CHSY1: variants seen among roughly 807,000 people sequenced by gnomAD.
The protein encoded by CHSY1 is N-acetylgalactosaminyl-proteoglycan 3-beta-glucuronosyltransferase 1.
A neutral mutation model predicts 59.8 loss-of-function variants in CHSY1; 13 were observed. The ratio of observed to expected loss-of-function variants is 0.22; its 90% CI spans 0.14 to 0.35. The LOEUF (loss-of-function observed/expected upper bound fraction) is 0.35. CHSY1 is among the 10% of genes least tolerant of loss of function. The probability of loss-of-function intolerance (pLI) is 1.00; values close to 1 mark genes in which losing one functional copy is unlikely to be tolerated. For synonymous variants in CHSY1, 459 were observed against 401.2 expected, an observed-to-expected ratio of 1.14 and a Z score of -1.72; for missense variants, 947 against 1,030.6, an observed-to-expected ratio of 0.92 and a Z score of 1.11.
At chr15:101,226,516 CA>C (rs2038843342) in intron 2 of CHSY1, among the ~76,000 whole-genome samples, 2 of 152,180 alleles carry the variant, frequency 1.3e-5, no homozygotes, top group Non-Finnish European at 2.9e-5. Flanking sequence ...GTGCCCAAAC[CA>C]ATGTCCTCAG....
rs1596459556 is a variant in CHSY1 at position 101,252,044 on chromosome 15, T to C, written c.-588A>G. ...CCGCGCCGCGCGATTGGCGCAAAAG[T>C]GAATGAGGGGCGGTTCACGTGGCCG... On this transcript the variant is annotated 5_prime_UTR_variant, in exon 1 of 3. Coordinates refer to ENST00000254190, the MANE Select transcript of CHSY1 (RefSeq NM_014918.5). 1 of 144,272 alleles carries C rather than the reference T, an allele frequency of 6.9e-6. No homozygotes were observed. The highest frequency in any genetic ancestry group is 2.6e-5 in the African/African-American group (1 of 38,654). The allele number at this position is 144,272 out of a possible 1,614,324, so 8.9% of individuals were successfully genotyped here.
Position 101,176,367 on chromosome 15 carries a change from T to C in CHSY1, c.*1021A>G. The C allele has an allele frequency of 5.0e-6, 2 of 398,532 alleles. No homozygotes were observed. The highest frequency in any genetic ancestry group is 8.8e-6 in the Non-Finnish European group (2 of 226,042). 24.7% of individuals were successfully genotyped at this position (398,532 alleles called of 1,614,324 possible). A position where few individuals can be genotyped will look rare whatever the true frequency, so the allele number is the denominator to read the frequency against. ...TTTTTCCCCAACGTTTTGATTAGGG[T>C]GTATGTGTGTATGTTTCAGTCTGTG... On this transcript the variant is annotated 3_prime_UTR_variant, in exon 3 of 3. Transcript: ENST00000254190.
At chr15:101,209,312 A>T (rs888743837) in intron 2 of CHSY1, among the ~76,000 whole-genome samples, 3 of 152,256 alleles carry the variant, frequency 2.0e-5, no homozygotes, top group Admixed American at 6.5e-5. Flanking sequence ...TGTAAGCTCC[A>T]GAAGTGTCAA....
intron 2 of CHSY1, among the ~76,000 whole-genome samples, chr15:101,217,034 G>A (rs549204499): frequency 6.6e-6 from 1 of 152,222 alleles, no homozygotes; most frequent in African/African-American, 2.4e-5. Flanking sequence ...GTGAGAATGA[G>A]TGAAGACTGT....
chr15:101,248,507 T>A (rs183675933), intron 1 of CHSY1, among the ~76,000 whole-genome samples: 2 of 152,314 alleles, frequency 1.3e-5, no homozygotes, highest in Non-Finnish European at 2.9e-5. Context: ...TGGAGTGACA[T>A]TAGCTGGACA....
At position 101,178,885 on chromosome 15, in the gene CHSY1, G is replaced by A. The variant is rs1297412922; in HGVS notation, c.912C>T (p.His304=). 1 of 1,614,150 alleles carries A rather than the reference G, an allele frequency of 6.2e-7. No homozygotes were observed. ...ACTGGTAGGGTGGGTTTTTGTTGGG[G>A]TGTAATGTGATAGCTTGGTGAATTT... is the stretch of plus-strand genomic sequence containing the variant. ...NSKIHQAITL[H]PNKNPPYQYR... Residue 304 remains histidine, a synonymous_variant, in exon 3 of 3, where the codon CAC becomes CAT. Transcript: ENST00000254190.
At chr15:101,180,745 C>A (rs1051551024) in intron 2 of CHSY1, among the ~76,000 whole-genome samples, 1 of 152,200 alleles carries the variant, frequency 6.6e-6, no homozygotes, top group Non-Finnish European at 1.5e-5. Context: ...GGGCCAGATA[C>A]AAACAACATG....
Position 101,206,545 on chromosome 15 carries a change from T to A in CHSY1, c.817-27565A>T, listed in dbSNP as rs376509241. Among the ~76,000 whole-genome samples the A allele has an allele frequency of 4.6e-5, 7 of 152,164 alleles. No homozygotes were observed. The East Asian group carries it at 7.7e-4, about 17-fold the overall frequency. The stretch of plus-strand genomic sequence containing the variant: ...TGAAAACACTTTGGAAAGAAGCTTT[T>A]ATGTGGGCTCACTTTATACAAATAA... On this transcript the variant is annotated intron_variant, in intron 2 of 2. Coordinates refer to ENST00000254190, the MANE Select transcript of CHSY1 (RefSeq NM_014918.5).
At chr15:101,229,604 A>G (rs1194114510) in intron 2 of CHSY1, among the ~76,000 whole-genome samples, 1 of 152,242 alleles carries the variant, frequency 6.6e-6, no homozygotes, top group East Asian at 1.9e-4. Flanking sequence ...AGAGAATTCA[A>G]CAATAACATT....
chr15:101,190,392 C>T (rs2038428411), intron 2 of CHSY1, among the ~76,000 whole-genome samples: 1 of 152,194 alleles, frequency 6.6e-6, no homozygotes, highest in Non-Finnish European at 1.5e-5. Flanking sequence ...AAGTGACAGG[C>T]TTTTCAACCC....
chr15:101,228,603 T>C (rs1401683733), intron 2 of CHSY1, among the ~76,000 whole-genome samples: 8 of 152,072 alleles, frequency 5.3e-5, no homozygotes, highest in Admixed American at 2.6e-4. Flanking sequence ...GAATTCTATA[T>C]CCAAGAAAGA....
In CHSY1 at chr15:101,251,320, T is replaced by C. The variant is rs2141286157; in HGVS notation, c.137A>G (p.Glu46Gly). The change falls in exon 1 of 3, where the codon GAG (glutamate) becomes GGG (glycine). Residue 46 changes from glutamate to glycine, a missense_variant. Physicochemically the swap from Glu to Gly is moderately conservative, Grantham distance 98 (BLOSUM62 -2). This residue lies in a region of CHSY1 where 232 missense variants were observed against 188.5 expected (regional missense o/e 1.23). Transcript: ENST00000254190. ...CGCCGCCTGCCCGGACCGGCAGCCCTCGGGGCTGGCGCGGCGCCGTGGGCC... is the reference window on the plus strand; with the variant it reads ...CGCCGCCTGCCCGGACCGGCAGCCCCCGGGGCTGGCGCGGCGCCGTGGGCC... ...RAGPRRRASP[E>G]GCRSGQAAAS... The C allele has an allele frequency of 8.9e-7, 1 of 1,124,296 alleles. No individual in the cohort carries two copies. Among genetic ancestry groups the C allele is most frequent in the Non-Finnish European group, 1.1e-6 (1 of 916,798 alleles). 69.6% of individuals were successfully genotyped at this position (1,124,296 alleles called of 1,614,324 possible).
At chr15:101,186,606 T>G (rs1183888464) in intron 2 of CHSY1, 1 of 151,722 alleles carries the variant, frequency 6.6e-6, no homozygotes, top group African/African-American at 2.4e-5. Flanking sequence ...GGATTCAAGA[T>G]GAGCTTGGGC....
At chr15:101,182,392 A>G (rs1198729647) in intron 2 of CHSY1, among the ~76,000 whole-genome samples, 3 of 152,240 alleles carry the variant, frequency 2.0e-5, no homozygotes, top group African/African-American at 7.2e-5. Flanking sequence ...AGCTGAGCTC[A>G]CCACAGTGGC....
At chr15:101,233,298 C>T (rs536539076) in intron 2 of CHSY1, among the ~76,000 whole-genome samples, 8 of 152,284 alleles carry the variant, frequency 5.3e-5, no homozygotes, top group Admixed American at 2.0e-4. Context: ...CTGTTGGTGT[C>T]TGTCCAGCAG....
chr15:101,190,032 C>T (rs935042184), intron 2 of CHSY1, among the ~76,000 whole-genome samples: 10 of 152,196 alleles, frequency 6.6e-5, no homozygotes, highest in South Asian at 2.1e-4. Context: ...GTGTTGAGTG[C>T]GGTGGGGTTA....
At chr15:101,242,723 G>T (rs1201816303) in intron 1 of CHSY1, 1 of 152,240 alleles carries the variant, frequency 6.6e-6, no homozygotes, top group African/African-American at 2.4e-5. Flanking sequence ...CCTCTGGCAG[G>T]ATGTTGCAAA....
Position 101,251,559 on chromosome 15 carries a change from C to G in CHSY1, c.-103G>C. 1 of 165,910 alleles carries G rather than the reference C, an allele frequency of 6.0e-6. No individual in the cohort carries two copies. Among genetic ancestry groups the G allele is most frequent in the South Asian group, 1.9e-4 (1 of 5,270 alleles). 10.3% of individuals were successfully genotyped at this position (165,910 alleles called of 1,614,324 possible). ...CAGCCCGCCCTAGCGCCGCGAGGCC[C>G]GGCCCGGGCAGCGCCGCCGCCGCCG... On this transcript the variant is annotated 5_prime_UTR_variant, in exon 1 of 3. Coordinates refer to ENST00000254190, the MANE Select transcript of CHSY1 (RefSeq NM_014918.5).
intron 1 of CHSY1, among the ~76,000 whole-genome samples, chr15:101,245,202 C>G (rs1466442952): frequency 6.6e-6 from 1 of 152,216 alleles, no homozygotes; most frequent in African/African-American, 2.4e-5. Context: ...GACCTTCCCT[C>G]CATGTCCCTG....
Sources: gnomAD v4.1 joint callset for allele counts (sites outside exome capture counted in the v4.1 genomes callset) on GRCh38, gnomAD v4.1.1 for gene constraint, gnomAD v4.1.1 regional missense constraint, MANE v1.5 for transcripts, NCBI Gene and HGNC (gene_info 2026-07-23, HGNC 2026-07-21) for gene names.